The following ZSCAN5A variants were observed in gnomAD, a reference collection of about 807,000 sequenced individuals.
The protein encoded by ZSCAN5A is zinc finger and SCAN domain-containing protein 5A.
Under a neutral mutation model 23.7 loss-of-function variants are expected in ZSCAN5A, and 12 were observed. That is an observed-to-expected ratio of 0.51 (90% CI 0.32 to 0.82). The LOEUF (loss-of-function observed/expected upper bound fraction) is 0.82. Ranked by LOEUF, ZSCAN5A falls within the 40% of genes least tolerant of loss-of-function variation. The probability of loss-of-function intolerance (pLI) is 0.03; values close to 1 mark genes in which losing one functional copy is unlikely to be tolerated. For missense variants in ZSCAN5A, 597 were observed against 617.9 expected (o/e 0.97, Z 0.36); for synonymous variants, 257 against 239.9 (o/e 1.07, Z -0.66).
intron 2 of ZSCAN5A, among the ~76,000 whole-genome samples, chr19:56,324,731 GAA>G (rs1005281263): frequency 7.2e-5 from 11 of 152,012 alleles, no homozygotes; most frequent in Admixed American, 1.3e-4. Flanking sequence ...GCCTGTGGAG[GAA>G]AAGTTAAATA....
chr19:56,320,829 G>T lies in ZSCAN5A; in HGVS notation c.-357-4561C>A. On this transcript the variant is annotated intron_variant, in intron 2 of 6. Transcript: ENST00000587340. Reference sequence around the variant, plus strand: ...TTATCACCATAGGTGGCAGCAAGATGCTGTGCCCCCTCGCTTTCAAGTCCA... The same window carrying T: ...TTATCACCATAGGTGGCAGCAAGATTCTGTGCCCCCTCGCTTTCAAGTCCA... 7.7e-6 allele frequency: 6 copies of T among 781,042 alleles called. No homozygotes were observed. In the Admixed American group the frequency reaches 8.5e-5, roughly 11 times the overall value. 48.4% of individuals were successfully genotyped at this position (781,042 alleles called of 1,614,324 possible). A position where few individuals can be genotyped will look rare whatever the true frequency, so the allele number is the denominator to read the frequency against.
intron 2 of ZSCAN5A, among the ~76,000 whole-genome samples, chr19:56,238,753 C>T (rs1568628976): frequency 6.6e-6 from 1 of 151,814 alleles, no homozygotes; most frequent in Admixed American, 6.6e-5. Flanking sequence ...AGTCCATGTT[C>T]ATAAATCGGA....
intron 2 of ZSCAN5A, chr19:56,285,142 C>G (rs1195498620): frequency 5.6e-6 from 2 of 358,482 alleles, no homozygotes; most frequent in Non-Finnish European, 7.8e-6. Flanking sequence ...AGGTATTATC[C>G]AAGCACATGT....
chr19:56,231,503 A>G (rs961663957), intron 2 of ZSCAN5A, among the ~76,000 whole-genome samples: 1 of 152,180 alleles, frequency 6.6e-6, no homozygotes, highest in Non-Finnish European at 1.5e-5. Flanking sequence ...AGACCTGTCA[A>G]TCACCACACA....
intron 2 of ZSCAN5A, among the ~76,000 whole-genome samples, chr19:56,265,442 T>G (rs931270690): frequency 6.6e-6 from 1 of 150,816 alleles, no homozygotes; most frequent in African/African-American, 2.4e-5. Flanking sequence ...GAAAGTAAAC[T>G]GAGGAAGTGA....
At chr19:56,241,986 C>T (rs1456064907) in intron 2 of ZSCAN5A, among the ~76,000 whole-genome samples, 1 of 152,204 alleles carries the variant, frequency 6.6e-6, no homozygotes, top group Non-Finnish European at 1.5e-5. Context: ...ACCCTCCCTC[C>T]CTCTATCCCT....
intron 2 of ZSCAN5A, chr19:56,342,554 G>A (rs1045011177): frequency 1.7e-5 from 6 of 348,280 alleles, no homozygotes; most frequent in Admixed American, 6.3e-5. Flanking sequence ...TATCAGCCAA[G>A]GTGAATGCTA....
At chr19:56,312,660 A>G (rs2041111668) in intron 2 of ZSCAN5A, among the ~76,000 whole-genome samples, 1 of 152,280 alleles carries the variant, frequency 6.6e-6, no homozygotes, top group Admixed American at 6.5e-5. Flanking sequence ...CTAGGCTTAT[A>G]TAAGATGTTA....
chr19:56,353,590 ACGG>A (rs2041681923), intron 2 of ZSCAN5A, among the ~76,000 whole-genome samples: 2 of 152,016 alleles, frequency 1.3e-5, no homozygotes, highest in Non-Finnish European at 2.9e-5. Flanking sequence ...ATCCTGGCTA[ACGG>A]CGGTGAAACC....
chr19:56,228,579 C>T (rs1229748327), intron 2 of ZSCAN5A, among the ~76,000 whole-genome samples: 6 of 151,952 alleles, frequency 3.9e-5, no homozygotes, highest in African/African-American at 1.5e-4. Context: ...CATTTTGGGT[C>T]CCCTCATGCC....
chr19:56,240,823 C>T (rs1215547235), intron 2 of ZSCAN5A, among the ~76,000 whole-genome samples: 1 of 151,984 alleles, frequency 6.6e-6, no homozygotes, highest in African/African-American at 2.4e-5. Context: ...GGCGAGACTT[C>T]ACTTCACCAT....
chr19:56,319,382 A>G (rs2041350368), upstream of ZSCAN5A, among the ~76,000 whole-genome samples: 1 of 149,092 alleles, frequency 6.7e-6, no homozygotes, highest in Admixed American at 6.8e-5. Context: ...TGTAATCCTC[A>G]CTACCCGGGG....
Position 56,224,983 on chromosome 19 carries a change from G to A in ZSCAN5A, c.64C>T (p.Leu22=). The A allele has an allele frequency of 6.2e-7, 1 of 1,614,112 alleles. No individual in the cohort carries two copies. Among genetic ancestry groups the A allele is most frequent in the Non-Finnish European group, 8.5e-7 (1 of 1,179,970 alleles). The change falls in exon 3 of 6, where the codon CTG becomes TTG. Residue 22 remains leucine, a synonymous_variant. Coordinates refer to ENST00000683990, the MANE Select transcript of ZSCAN5A (RefSeq NM_001322064.3). ...TCTGAGGATGCCATAGACCGTGGCA[G>A]CTCCAACCCAGGTCTGTTGCAGGAT... is the stretch of plus-strand genomic sequence containing the variant. ...GESCNRPGLE[L]PRSMASSETQ... is the part of the protein sequence containing the mutation.
intron 2 of ZSCAN5A, chr19:56,321,409 A>G: frequency 3.0e-6 from 2 of 656,812 alleles, no homozygotes; most frequent in Non-Finnish European, 2.8e-6. Context: ...CTTATCATCT[A>G]TTTTGCACAC....
rs371491455 is a variant in ZSCAN5A, at chr19:56,266,493, C to CCTTTTTTTTTTTTTTTTTTTTTTTTTTTT, written c.-127-41321_-127-41320insAAAAAAAAAAAAAAAAAAAAAAAAAAAAG. On this transcript the variant is annotated intron_variant, in intron 2 of 5. Transcript: ENST00000683990. ...GCTTTCTGCTTGGGAGATGCCCCCA[C>CCTTTTTTTTTTTTTTTTTTTTTTTTTTTT]TTTTTTTTTTTTTTTTTTTTTTGAG... is the stretch of plus-strand genomic sequence containing the variant. 3.4e-5 allele frequency: 2 copies of CCTTTTTTTTTTTTTTTTTTTTTTTTTTTT among 58,002 alleles called. 1 individual carries two copies. 3.6% of individuals were successfully genotyped at this position (58,002 alleles called of 1,614,324 possible).
chr19:56,298,942 A>T (rs916344097), intron 2 of ZSCAN5A, among the ~76,000 whole-genome samples: 2 of 152,206 alleles, frequency 1.3e-5, no homozygotes, highest in Admixed American at 6.5e-5. Context: ...TCCTAGACTA[A>T]ATATTAGCAA....
rs567825869 is a variant in ZSCAN5A, at chr19:56,304,758, C to A, written c.-128+8525G>T. ...TTCACTCGCCTCACCCCAACTGTTT[C>A]TTTCTCTGTTCCCAGTTCACTTTTT... On this transcript the variant is annotated intron_variant, in intron 2 of 5. Coordinates refer to ENST00000683990, the MANE Select transcript of ZSCAN5A (RefSeq NM_001322064.3). 2.0e-5 allele frequency: 20 copies of A among 984,892 alleles called. No individual in the cohort carries two copies. The Admixed American group carries it at 6.1e-4, about 30-fold the overall frequency. The allele number at this position is 984,892 out of a possible 1,614,324, so 61.0% of individuals were successfully genotyped here.
At chr19:56,239,479 C>A (rs1193090120) in intron 2 of ZSCAN5A, among the ~76,000 whole-genome samples, 2 of 152,172 alleles carry the variant, frequency 1.3e-5, no homozygotes, top group Non-Finnish European at 2.9e-5. Flanking sequence ...AACCAGGGAA[C>A]CCTGTAGGAC....
intron 2 of ZSCAN5A, chr19:56,246,732 A>G: frequency 7.6e-7 from 1 of 1,308,450 alleles, no homozygotes; most frequent in Non-Finnish European, 1.1e-6. Context: ...TTCTTCCAGC[A>G]GGTGTGGTGG....
Sources: gnomAD v4.1 joint callset for allele counts (sites outside exome capture counted in the v4.1 genomes callset) on GRCh38, gnomAD v4.1.1 for gene constraint, MANE v1.5 for transcripts, NCBI Gene and HGNC (gene_info 2026-07-23, HGNC 2026-07-21) for gene names.